Variants in BCL11B observed in about 807,000 individuals in gnomAD.
BCL11B encodes the protein B-cell lymphoma/leukemia 11B.
A neutral mutation model predicts 49.9 loss-of-function variants in BCL11B; 8 were observed. The observed-to-expected ratio is 0.16, with a 90% CI of 0.09 to 0.29. The LOEUF (loss-of-function observed/expected upper bound fraction) is 0.29, where lower values mean the gene tolerates loss of function less well. BCL11B is among the 10% of genes least tolerant of loss of function. BCL11B has a pLI of 1.00. For missense variants in BCL11B, 1,006 were observed against 1,351.0 expected, an observed-to-expected ratio of 0.74 and a Z score of 4.00; for synonymous variants, 739 against 637.4, an observed-to-expected ratio of 1.16 and a Z score of -2.40.
Position 99,247,898 on chromosome 14 carries a change from G to A in BCL11B, c.427+9573C>T, listed in dbSNP as rs537852111. On this transcript the variant is annotated intron_variant, in intron 2 of 3. Coordinates refer to ENST00000357195, the MANE Select transcript of BCL11B (RefSeq NM_138576.4). The surrounding 1 kb of genome is among the most constrained non-coding windows in gnomAD (Gnocchi z 4.5). ...CACTCAGCCCCCAGGGCAGGGGATG[G>A]GGGGAAAACAGCCCTGATCAAACAT... Among the ~76,000 whole-genome samples the A allele has an allele frequency of 6.6e-6, 1 of 152,172 alleles. No individual in the cohort carries two copies. The highest frequency in any genetic ancestry group is 1.9e-4 in the East Asian group (1 of 5,176).
rs1399952158 is a variant in BCL11B, at chr14:99,246,485, A to G, written c.427+10986T>C. On this transcript the variant is annotated intron_variant, in intron 2 of 3. Coordinates refer to ENST00000357195, the MANE Select transcript of BCL11B (RefSeq NM_138576.4). The stretch of plus-strand genomic sequence containing the variant: ...GCCCGCAGGCCTGGGAACAGTGCCG[A>G]GGAGCCTCCCGACCCGGCCAGGGCC... Among the ~76,000 whole-genome samples the G allele has an allele frequency of 1.1e-4, 17 of 152,314 alleles. No homozygotes were observed. In the East Asian group the frequency reaches 3.3e-3, roughly 30 times the overall value.
At position 99,271,854 on chromosome 14, in the gene BCL11B, TA is replaced by T. The variant is rs1889700913; in HGVS notation, c.-637del. ...CCCCCTCAAAAAACCCAAAGCAATG[TA>T]AAACTGCCCCGGTTCGGTTGTTTCT... On this transcript the variant is annotated 5_prime_UTR_variant, in exon 1 of 4. Coordinates refer to ENST00000357195, the MANE Select transcript of BCL11B (RefSeq NM_138576.4). Among the ~76,000 whole-genome samples, 1 of 152,122 alleles carries T rather than the reference TA, an allele frequency of 6.6e-6. No individual in the cohort carries two copies. The highest frequency in any genetic ancestry group is 1.5e-5 in the Non-Finnish European group (1 of 68,004).
At chr14:99,269,487 C>G (rs1482949333) in intron 1 of BCL11B, among the ~76,000 whole-genome samples, 2 of 150,252 alleles carry the variant, frequency 1.3e-5, no homozygotes, top group African/African-American at 2.5e-5. Flanking sequence ...CATCCCTCTC[C>G]CAAGGCGAAT....
At chr14:99,204,395 C>T (rs1461010444) in intron 3 of BCL11B, among the ~76,000 whole-genome samples, 2 of 152,198 alleles carry the variant, frequency 1.3e-5, no homozygotes, top group Non-Finnish European at 2.9e-5. Flanking sequence ...CCTGAGCACC[C>T]GAGCTCTTCC....
chr14:99,208,554 A>G (rs1887599391), intron 3 of BCL11B, among the ~76,000 whole-genome samples: 1 of 152,212 alleles, frequency 6.6e-6, no homozygotes, highest in African/African-American at 2.4e-5. Context: ...AGGGAAGCTA[A>G]CCCAAGCAAG....
intron 3 of BCL11B, among the ~76,000 whole-genome samples, chr14:99,216,990 G>A (rs1219506830): frequency 1.3e-5 from 2 of 152,034 alleles, no homozygotes; most frequent in Admixed American, 6.5e-5. Flanking sequence ...AAATACGCGT[G>A]TATGTACAAA....
At chr14:99,217,385 G>GACACACACACACATACAGACACAC (rs555834922) in intron 3 of BCL11B, among the ~76,000 whole-genome samples, 1,617 of 131,062 alleles carry the variant, frequency 0.012, 27 homozygotes, top group African/African-American at 0.035. Flanking sequence ...CACACATACA[G>GACACACACACACATACAGACACAC]ACACACACAC....
chr14:99,215,879 C>G (rs1401099263), intron 3 of BCL11B, among the ~76,000 whole-genome samples: 1 of 152,112 alleles, frequency 6.6e-6, no homozygotes, highest in Non-Finnish European at 1.5e-5. Context: ...TACACACAAA[C>G]CCAAAACGAA....
At position 99,199,683 on chromosome 14, in the gene BCL11B, T is replaced by TGTGC. The variant is rs759599743; in HGVS notation, c.641-23489_641-23488insGCAC. Among the ~76,000 whole-genome samples the TGTGC allele has an allele frequency of 8.3e-3, 610 of 73,658 alleles. 4 individuals carry two copies. Among genetic ancestry groups the TGTGC allele is most frequent in the Middle Eastern group, 0.03 (5 of 166 alleles). The allele number at this position is 73,658 out of a possible 152,430, so 48.3% of individuals were successfully genotyped here. ...GTGTGTGTGTGTGTGTGTGTGTGTG[T>TGTGC]GCGCGCGCGCGCGCACGTGCACGTG... On this transcript the variant is annotated intron_variant, in intron 3 of 3. Transcript: ENST00000357195.
chr14:99,233,568 C>T (rs945124508), intron 2 of BCL11B, among the ~76,000 whole-genome samples: 1 of 152,178 alleles, frequency 6.6e-6, no homozygotes, highest in Non-Finnish European at 1.5e-5. Context: ...TTTATCACTA[C>T]TGAGAAACCA....
chr14:99,245,970 A>G (rs1046331486), intron 2 of BCL11B, among the ~76,000 whole-genome samples: 8 of 152,020 alleles, frequency 5.3e-5, no homozygotes, highest in African/African-American at 1.7e-4. Flanking sequence ...AGGAGCCGGG[A>G]AAAAAGACTC....
At chr14:99,239,834 A>AT (rs1888610011) in intron 2 of BCL11B, among the ~76,000 whole-genome samples, 1 of 152,202 alleles carries the variant, frequency 6.6e-6, no homozygotes, top group Non-Finnish European at 1.5e-5. Flanking sequence ...CCATGTACAG[A>AT]CAGTGCAATG....
Position 99,184,116 on chromosome 14 carries a change from C to T in BCL11B, c.641-7921G>A, listed in dbSNP as rs1410881203. On this transcript the variant is annotated intron_variant, in intron 3 of 3. Coordinates refer to ENST00000357195, the MANE Select transcript of BCL11B (RefSeq NM_138576.4). This position sits in a 1 kb window ranked among gnomAD's most constrained non-coding sequence, Gnocchi z 6.1. ...ATCAGGCACCCCAGCCTTTGGGATC[C>T]GGTCCCACTTGCTGCCTGCCTTTTG... Among the ~76,000 whole-genome samples, 2 of 152,064 alleles carry T rather than the reference C, an allele frequency of 1.3e-5. No homozygotes were observed. The highest frequency in any genetic ancestry group is 2.9e-5 in the Non-Finnish European group (2 of 68,004).
chr14:99,263,438 C>T (rs1889394879), intron 1 of BCL11B, among the ~76,000 whole-genome samples: 1 of 152,216 alleles, frequency 6.6e-6, no homozygotes, highest in Non-Finnish European at 1.5e-5. Flanking sequence ...CTGACTCCGC[C>T]AGCAGCGGAA....
In BCL11B at chr14:99,242,864, T is replaced by C. The variant is rs1379147495; in HGVS notation, c.428-11307A>G. Reference sequence around the variant, plus strand: ...CACTTAGGCCCTCTGGCTTCCCTAGTGAAGGTACCATTTCATAGCAGACAG... The same window carrying C: ...CACTTAGGCCCTCTGGCTTCCCTAGCGAAGGTACCATTTCATAGCAGACAG... On this transcript the variant is annotated intron_variant, in intron 2 of 3. Coordinates refer to ENST00000357195, the MANE Select transcript of BCL11B (RefSeq NM_138576.4). This position sits in a 1 kb window ranked among gnomAD's most constrained non-coding sequence, Gnocchi z 4.4. 6.6e-6 allele frequency among the ~76,000 whole-genome samples: 1 copy of C among 152,156 alleles called. No homozygotes were observed. The highest frequency in any genetic ancestry group is 1.5e-5 in the Non-Finnish European group (1 of 68,010).
chr14:99,189,048 G>A (rs1886945692), intron 3 of BCL11B, among the ~76,000 whole-genome samples: 1 of 152,234 alleles, frequency 6.6e-6, no homozygotes, highest in Non-Finnish European at 1.5e-5. Context: ...CGCTTCCCCG[G>A]GGGATTTTGG....
At chr14:99,189,032 T>G (rs1438499130) in intron 3 of BCL11B, among the ~76,000 whole-genome samples, 1 of 152,240 alleles carries the variant, frequency 6.6e-6, no homozygotes, top group Non-Finnish European at 1.5e-5. Flanking sequence ...ATTCAGAATA[T>G]TTTAGCGCTT....
At chr14:99,222,836 CCTTTCTTTCTTT>C (rs34988198) in intron 3 of BCL11B, among the ~76,000 whole-genome samples, 2 of 151,296 alleles carry the variant, frequency 1.3e-5, no homozygotes, top group East Asian at 1.9e-4. Flanking sequence ...TCTTTATTTC[CCTTTCTTTCTTT>C]CTTTCTTTCT....
intron 3 of BCL11B, among the ~76,000 whole-genome samples, chr14:99,202,570 G>GCAA (rs1261746534): frequency 6.6e-6 from 1 of 152,210 alleles, no homozygotes; most frequent in African/African-American, 2.4e-5. Flanking sequence ...CATGCGCAAG[G>GCAA]CAACGCAAGG....
Sources: gnomAD v4.1 joint callset for allele counts (sites outside exome capture counted in the v4.1 genomes callset) on GRCh38, gnomAD v4.1.1 for gene constraint, Gnocchi (gnomAD v3.1) non-coding constraint, MANE v1.5 for transcripts, NCBI Gene and HGNC (gene_info 2026-07-23, HGNC 2026-07-21) for gene names.